RGS6: variants seen among roughly 807,000 people sequenced by gnomAD.
RGS6 encodes regulator of G-protein signaling 6.
RGS6 carries 30 observed loss-of-function variants against 78.5 expected under a neutral mutation model. That is an observed-to-expected ratio of 0.38 (90% confidence interval 0.29 to 0.52). The LOEUF is 0.52. Among genes scored for constraint, RGS6 ranks in the 20% least tolerant of loss-of-function variants. The pLI, the probability that RGS6 is intolerant of heterozygous loss-of-function variation, is 0.85. For missense variants in RGS6, 495 were observed against 609.7 expected (o/e 0.81, Z 1.98); for synonymous variants, 206 against 206.0 (o/e 1.00, Z 0.00).
intron 2 of RGS6, among the ~76,000 whole-genome samples, chr14:72,234,848 G>T (rs576472284): frequency 6.6e-6 from 1 of 151,890 alleles, no homozygotes; most frequent in African/African-American, 2.4e-5. Context: ...ACTTTATTTC[G>T]TTATTTTTGT....
chr14:72,429,044 A>C (rs931086065), intron 3 of RGS6, among the ~76,000 whole-genome samples: 13 of 152,314 alleles, frequency 8.5e-5, no homozygotes, highest in East Asian at 3.9e-4. Flanking sequence ...CTACTAAAAT[A>C]CAAAAAAAGT....
chr14:72,541,598 A>G (rs2097328093), intron 17 of RGS6: 3 of 1,534,908 alleles, frequency 2.0e-6, no homozygotes, highest in African/African-American at 2.7e-5. Flanking sequence ...GACTTCCTTC[A>G]CTCCATGATG....
At chr14:72,392,165 T>C (rs2090141116) in intron 3 of RGS6, among the ~76,000 whole-genome samples, 2 of 150,724 alleles carry the variant, frequency 1.3e-5, no homozygotes, top group Admixed American at 6.6e-5. Context: ...TTGACAAATA[T>C]ATATATACAC....
intron 15 of RGS6, among the ~76,000 whole-genome samples, chr14:72,534,442 G>C (rs1019639177): frequency 6.6e-6 from 1 of 152,204 alleles, no homozygotes; most frequent in Non-Finnish European, 1.5e-5. Flanking sequence ...GTGAAGACAA[G>C]TGGTATTTTG....
At chr14:72,048,366 C>T (rs1434012999) in intron 2 of RGS6, among the ~76,000 whole-genome samples, 3 of 152,156 alleles carry the variant, frequency 2.0e-5, no homozygotes, top group African/African-American at 4.8e-5. Flanking sequence ...AGTCTTTTTT[C>T]TGCCAAAGGT....
rs369213932 is a variant in RGS6, at chr14:72,162,323, G to C, written c.85-189772G>C. Reference sequence around the variant, plus strand: ...TTGGAGTGTGAAAAGAGTGGACCCTGACCCACCTCTATTCCCTGCTGGGCC... The same window carrying C: ...TTGGAGTGTGAAAAGAGTGGACCCTCACCCACCTCTATTCCCTGCTGGGCC... On this transcript the variant is annotated intron_variant, in intron 2 of 17. Transcript: ENST00000553525. Among the ~76,000 whole-genome samples, 19 of 152,286 alleles carry C rather than the reference G, an allele frequency of 1.2e-4. No individual in the cohort carries two copies. In the East Asian group the frequency reaches 3.3e-3, roughly 26 times the overall value.
At chr14:72,220,094 A>AAGCT (rs1437732372) in intron 2 of RGS6, among the ~76,000 whole-genome samples, 37 of 152,214 alleles carry the variant, frequency 2.4e-4, no homozygotes, top group Admixed American at 2.4e-3. Flanking sequence ...AACAACATTC[A>AAGCT]AGCTAAGAGC....
chr14:71,962,351 C>T (rs2093263060), intron 1 of RGS6, among the ~76,000 whole-genome samples: 1 of 152,076 alleles, frequency 6.6e-6, no homozygotes, highest in Non-Finnish European at 1.5e-5. Flanking sequence ...CATTTCTAAC[C>T]TTGCTATTAT....
intron 2 of RGS6, among the ~76,000 whole-genome samples, chr14:72,139,527 A>G (rs1052180154): frequency 2.0e-5 from 3 of 152,342 alleles, no homozygotes; most frequent in Non-Finnish European, 2.9e-5. Context: ...GTGGGAAAGC[A>G]TAATTATTTT....
chr14:72,504,921 A>ATTTTTTTTTTTT lies in RGS6; in HGVS notation c.966-5216_966-5205dup, dbSNP rs34953560. On this transcript the variant is annotated intron_variant, in intron 13 of 17. Coordinates refer to ENST00000553525, the MANE Select transcript of RGS6 (RefSeq NM_001204424.2). ...AGGTGCCCACCACCACGCCCAGCTAATTTTTTTTTTTTTTTTTTTTTTTTT... is the reference window on the plus strand; with the variant it reads ...AGGTGCCCACCACCACGCCCAGCTAATTTTTTTTTTTTTTTTTTTTTTTTTTTTTTTTTTTTT... Among the ~76,000 whole-genome samples, 94 of 76,074 alleles carry ATTTTTTTTTTTT rather than the reference A, an allele frequency of 1.2e-3. 2 individuals are homozygous for ATTTTTTTTTTTT. Among genetic ancestry groups the ATTTTTTTTTTTT allele is most frequent in the African/African-American group, 4.3e-3 (83 of 19,496 alleles). The allele number at this position is 76,074 out of a possible 152,430, so 49.9% of individuals were successfully genotyped here. A position where few individuals can be genotyped will look rare whatever the true frequency, so the allele number is the denominator to read the frequency against.
At chr14:72,104,391 GTTAC>G (rs1412186979) in intron 2 of RGS6, among the ~76,000 whole-genome samples, 4 of 152,060 alleles carry the variant, frequency 2.6e-5, no homozygotes, top group Non-Finnish European at 4.4e-5. Flanking sequence ...TTTTTATTAT[GTTAC>G]TTAAATATGT....
chr14:72,412,310 C>T (rs959098300), intron 3 of RGS6, among the ~76,000 whole-genome samples: 9 of 152,096 alleles, frequency 5.9e-5, no homozygotes, highest in Middle Eastern at 3.2e-3. Flanking sequence ...GTGTATGTGT[C>T]CAGGAATTTA....
intron 2 of RGS6, among the ~76,000 whole-genome samples, chr14:72,168,316 C>T (rs568424565): frequency 3.3e-5 from 5 of 152,214 alleles, no homozygotes; most frequent in African/African-American, 1.2e-4. Flanking sequence ...CAAGGTCTAC[C>T]ATTAGGAATG....
the RGS6 span, among the ~76,000 whole-genome samples, chr14:71,925,049 C>A: frequency 2.0e-5 from 3 of 152,276 alleles, no homozygotes; most frequent in East Asian, 5.8e-4. Context: ...ACAGTGTACC[C>A]TTTTTTCCAC....
intron 2 of RGS6, among the ~76,000 whole-genome samples, chr14:72,291,526 ATC>A (rs2063572511): frequency 6.6e-6 from 1 of 152,180 alleles, no homozygotes; most frequent in African/African-American, 2.4e-5. Flanking sequence ...CAAGGGCTTG[ATC>A]TCTGTCTTAT....
At chr14:72,579,292 C>G in the RGS6 span, among the ~76,000 whole-genome samples, 1 of 152,218 alleles carries the variant, frequency 6.6e-6, no homozygotes, top group Non-Finnish European at 1.5e-5. Context: ...AATGGGTAAT[C>G]ATTGTCCCTG....
chr14:72,335,273 T>C (rs1014633546), intron 2 of RGS6, among the ~76,000 whole-genome samples: 93 of 152,264 alleles, frequency 6.1e-4, no homozygotes, highest in Non-Finnish European at 1.2e-4. Flanking sequence ...AGGCTTTCCC[T>C]CCTTAGAGTT....
At chr14:72,174,853 C>G (rs1025613053) in intron 2 of RGS6, among the ~76,000 whole-genome samples, 1 of 152,188 alleles carries the variant, frequency 6.6e-6, no homozygotes, top group African/African-American at 2.4e-5. Flanking sequence ...ACAGCCCTCA[C>G]AGATGCCCTT....
chr14:72,171,436 T>C (rs1362098437), intron 2 of RGS6, among the ~76,000 whole-genome samples: 1 of 152,232 alleles, frequency 6.6e-6, no homozygotes, highest in Admixed American at 6.5e-5. Flanking sequence ...AGTCAGTCTG[T>C]ACTAGCAATA....
Sources: gnomAD v4.1 joint callset for allele counts (sites outside exome capture counted in the v4.1 genomes callset) on GRCh38, gnomAD v4.1.1 for gene constraint, MANE v1.5 for transcripts, NCBI Gene and HGNC (gene_info 2026-07-23, HGNC 2026-07-21) for gene names.